The following RIN2 variants were observed in gnomAD, a reference collection of about 807,000 sequenced individuals.
RIN2 encodes RAB5 interacting protein 2.
A neutral mutation model predicts 78.0 loss-of-function variants in RIN2; 36 were observed. The observed-to-expected ratio is 0.46, with a 90% confidence interval of 0.35 to 0.61. The LOEUF (loss-of-function observed/expected upper bound fraction) is 0.61, where lower values mean the gene tolerates loss of function less well. Among genes scored for constraint, RIN2 ranks in the 20% least tolerant of loss-of-function variants. The pLI is 0.00. For synonymous variants in RIN2, 466 were observed against 466.8 expected (o/e 1.00, Z 0.02); for missense variants, 1,087 against 1,159.7 (o/e 0.94, Z 0.91).
chr20:19,889,535 G>A, intron 2 of RIN2, 31 bp from the exon 3 acceptor site: 4 of 1,535,138 alleles, frequency 2.6e-6, no homozygotes, highest in Non-Finnish European at 2.6e-6. Context: ...CTACAGGCTG[G>A]ACTAACCATT....
intron 2 of RIN2, among the ~76,000 whole-genome samples, chr20:19,815,859 G>A (rs549999595): frequency 1.3e-5 from 2 of 152,316 alleles, no homozygotes; most frequent in African/African-American, 2.4e-5. Flanking sequence ...AGTTGTTGTA[G>A]CATCTTCCTT....
intron 3 of RIN2, among the ~76,000 whole-genome samples, chr20:19,929,304 G>C (rs6112660): frequency 6.6e-6 from 1 of 152,156 alleles, no homozygotes; most frequent in Non-Finnish European, 1.5e-5. Flanking sequence ...AGAAACTTCA[G>C]TTAGTAGCAC....
At chr20:19,978,143 T>C (rs2042339597) in intron 9 of RIN2, among the ~76,000 whole-genome samples, 1 of 152,052 alleles carries the variant, frequency 6.6e-6, no homozygotes, top group Non-Finnish European at 1.5e-5. Flanking sequence ...GCTTAAAAAC[T>C]GGTCTATGTC....
intron 2 of RIN2, among the ~76,000 whole-genome samples, chr20:19,829,122 C>T (rs1262797883): frequency 6.6e-6 from 1 of 152,134 alleles, no homozygotes; most frequent in East Asian, 1.9e-4. Context: ...CTGAAATTGC[C>T]ACCTATATGA....
At chr20:19,903,902 T>G (rs2039098104) in intron 3 of RIN2, among the ~76,000 whole-genome samples, 2 of 152,276 alleles carry the variant, frequency 1.3e-5, no homozygotes, top group South Asian at 4.1e-4. Flanking sequence ...CTTACTGAAT[T>G]TGTATTACCT....
intron 3 of RIN2, among the ~76,000 whole-genome samples, chr20:19,898,972 A>G (rs1769887118): frequency 6.6e-6 from 1 of 152,242 alleles, no homozygotes; most frequent in Non-Finnish European, 1.5e-5. Context: ...ATACATTTAA[A>G]GCAGCAATCA....
intron 1 of RIN2, among the ~76,000 whole-genome samples, chr20:19,764,928 T>TTTTTTTTTC (rs2033816397): frequency 7.7e-6 from 1 of 130,644 alleles, no homozygotes; most frequent in Non-Finnish European, 1.6e-5. Context: ...GTTTTTTTTT[T>TTTTTTTTTC]TTTTTTTTTT....
chr20:19,768,922 C>CTTT (rs778608472), intron 1 of RIN2, among the ~76,000 whole-genome samples: 7 of 135,812 alleles, frequency 5.2e-5, no homozygotes, highest in South Asian at 2.4e-4. Flanking sequence ...CTTTCTGTTT[C>CTTT]TTTTTTTTTT....
In RIN2 at chr20:19,786,780, C is replaced by A. The variant is rs1040762; in HGVS notation, c.-162-12842C>A. Among the ~76,000 whole-genome samples the A allele has an allele frequency of 2.6e-5, 4 of 152,100 alleles. No homozygotes were observed. The East Asian group carries it at 7.7e-4, about 29-fold the overall frequency. On this transcript the variant is annotated intron_variant, in intron 1 of 12. Transcript: ENST00000255006. ...GTGCTGTTTTGGATAATTTTTATAG[C>A]GGAAGTTGATAGGACAGAACATGTC... is the stretch of plus-strand genomic sequence containing the variant.
In RIN2 at chr20:19,781,495, T is replaced by G. The variant is rs1777853512; in HGVS notation, c.-162-18127T>G. On this transcript the variant is annotated intron_variant, in intron 1 of 12. Coordinates refer to ENST00000255006, the MANE Select transcript of RIN2 (RefSeq NM_018993.4). Reference sequence around the variant, plus strand: ...ACCCTTTACCAAGTGACACGATTTCTCTGCTCACTGCAACCCCCGTCTTCT... The same window carrying G: ...ACCCTTTACCAAGTGACACGATTTCGCTGCTCACTGCAACCCCCGTCTTCT... Among the ~76,000 whole-genome samples, 3 of 152,236 alleles carry G rather than the reference T, an allele frequency of 2.0e-5. 1 individual carries two copies. In the South Asian group the frequency reaches 6.2e-4, roughly 31 times the overall value.
chr20:19,952,794 A>G (rs2041372660), intron 4 of RIN2, among the ~76,000 whole-genome samples: 1 of 152,172 alleles, frequency 6.6e-6, no homozygotes, highest in Admixed American at 6.5e-5. Context: ...TAAAATATTT[A>G]TTTAGTCGCC....
At chr20:19,896,341 A>G (rs2038723768) in intron 3 of RIN2, among the ~76,000 whole-genome samples, 1 of 152,146 alleles carries the variant, frequency 6.6e-6, no homozygotes, top group Admixed American at 6.5e-5. Flanking sequence ...GGCATGCGCC[A>G]CCACACCCAG....
chr20:19,784,554 T>TA (rs1457078941), intron 1 of RIN2, among the ~76,000 whole-genome samples: 1 of 152,040 alleles, frequency 6.6e-6, no homozygotes, highest in Non-Finnish European at 1.5e-5. Context: ...TACCATAACT[T>TA]AAAAAAATTT....
chr20:19,824,447 A>G (rs2036023260), intron 2 of RIN2, among the ~76,000 whole-genome samples: 1 of 152,222 alleles, frequency 6.6e-6, no homozygotes, highest in Non-Finnish European at 1.5e-5. Flanking sequence ...TGGGTAAGGC[A>G]AAAATTAACG....
rs190572499 is a variant in RIN2, at chr20:19,785,994, A to G, written c.-162-13628A>G. ...GCTTAGAAATGCTTCGCCTTGGTTT[A>G]TACATGTGAAAAATGAGAATGGGAA... On this transcript the variant is annotated intron_variant, in intron 1 of 12. Coordinates refer to ENST00000255006, the MANE Select transcript of RIN2 (RefSeq NM_018993.4). Among the ~76,000 whole-genome samples, 202 of 152,314 alleles carry G rather than the reference A, an allele frequency of 1.3e-3. 1 individual carries two copies. The highest frequency in any genetic ancestry group is 2.6e-3 in the Non-Finnish European group (176 of 68,028).
chr20:19,995,853 G>A (rs2042945443), intron 11 of RIN2, among the ~76,000 whole-genome samples: 1 of 152,046 alleles, frequency 6.6e-6, no homozygotes, highest in Admixed American at 6.5e-5. Context: ...ATCAGAGATA[G>A]AAAATATCAA....
chr20:19,813,455 G>T (rs562390168), intron 2 of RIN2, among the ~76,000 whole-genome samples: 1 of 152,326 alleles, frequency 6.6e-6, no homozygotes, highest in Admixed American at 6.5e-5. Context: ...TGAGGCTAGT[G>T]GGGCTTAGTA....
chr20:19,941,155 A>G lies in RIN2; in HGVS notation c.158+5956A>G, dbSNP rs527755125. On this transcript the variant is annotated intron_variant, in intron 4 of 12. Coordinates refer to ENST00000255006, the MANE Select transcript of RIN2 (RefSeq NM_018993.4). The stretch of plus-strand genomic sequence containing the variant: ...AAAATTCCTTGGCCAGCTCTTCTCA[A>G]TGTTACAATGTAGCAGCTGGTCATC... 3.2e-4 allele frequency among the ~76,000 whole-genome samples: 49 copies of G among 152,298 alleles called. No homozygotes were observed. The South Asian group carries it at 9.9e-3, about 31-fold the overall frequency.
intron 1 of RIN2, among the ~76,000 whole-genome samples, chr20:19,788,432 C>CAAAAAAAA (rs1224663738): frequency 7.3e-4 from 39 of 53,716 alleles, no homozygotes; most frequent in African/African-American, 9.9e-4. Context: ...CTGTCTCTGC[C>CAAAAAAAA]AAAAAAAAAA....
Sources: allele counts gnomAD v4.1 joint callset (sites outside exome capture counted in the v4.1 genomes callset), GRCh38; gene constraint gnomAD v4.1.1; transcripts MANE v1.5; gene names NCBI Gene and HGNC (gene_info 2026-07-23, HGNC 2026-07-21).